BPIFB4: variants seen among roughly 807,000 people sequenced by gnomAD.
BPIFB4 encodes BPI fold-containing family B member 4.
BPIFB4 carries 62 observed loss-of-function variants against 69.2 expected under a neutral mutation model. The observed-to-expected ratio is 0.90, with a 90% CI of 0.73 to 1.11. The LOEUF (loss-of-function observed/expected upper bound fraction) is 1.11. Among genes scored for constraint, BPIFB4 ranks in the 50% least tolerant of loss-of-function variants. BPIFB4 has a pLI of 0.00. For missense variants in BPIFB4, 789 were observed against 792.0 expected, an observed-to-expected ratio of 1.00 and a Z score of 0.04; for synonymous variants, 330 against 332.7, an observed-to-expected ratio of 0.99 and a Z score of 0.09.
Position 33,092,623 on chromosome 20 carries a change from C to G in BPIFB4, c.1309C>G (p.Gln437Glu), listed in dbSNP as rs770283793. ...CTCAGTGCTGACTCTACTGCAGAAG[C>G]AGCATGCTCTAGACCTGGATATCAC... ...LGSVLTLLQK[Q>E]HALDLDITNG... is the part of the protein sequence containing the mutation. The change falls in exon 11 of 18, where the codon CAG becomes GAG. Residue 437 changes from glutamine (Q) to glutamate (E), a missense_variant. Physicochemically the swap from Gln to Glu is conservative, Grantham distance 29. Coordinates refer to ENST00000375483, the MANE Select transcript of BPIFB4 (RefSeq NM_182519.3). 1 of 1,612,912 alleles carries G rather than the reference C, an allele frequency of 6.2e-7. No individual in the cohort carries two copies. The highest frequency in any genetic ancestry group is 1.7e-5 in the Admixed American group (1 of 60,036).
In BPIFB4 at chr20:33,086,239, C is replaced by G. The variant is rs576510614; in HGVS notation, c.926+75C>G. ...GTCTTTGGCAAACAACATGACGTCA[C>G]CCACCTGCCCATAGGCTCTGGGGTG... On this transcript the variant is annotated intron_variant, in intron 7 of 17. Coordinates refer to ENST00000375483, the MANE Select transcript of BPIFB4 (RefSeq NM_182519.3). The G allele has an allele frequency of 3.4e-4, 516 of 1,534,756 alleles. 1 individual carries two copies. The African/African-American group carries it at 6.4e-3, about 19-fold the overall frequency.
chr20:33,107,452 C>CA (rs1381914042), intron 16 of BPIFB4, among the ~76,000 whole-genome samples: 2 of 151,636 alleles, frequency 1.3e-5, no homozygotes, highest in Admixed American at 6.6e-5. Context: ...AACAAACAAA[C>CA]AAAAAACAAA....
At chr20:33,082,849 G>A (rs1983429314) in intron 3 of BPIFB4, 89 bp from the exon 4 acceptor site, 2 of 1,295,294 alleles carry the variant, frequency 1.5e-6, no homozygotes, top group Admixed American at 1.7e-5. Flanking sequence ...TGAGGCCCAG[G>A]GAGCTGAGCA....
At chr20:33,103,631 C>T (rs377136273) in intron 15 of BPIFB4, among the ~76,000 whole-genome samples, 3 of 143,956 alleles carry the variant, frequency 2.1e-5, no homozygotes, top group African/African-American at 5.1e-5. Context: ...CCCACCCCCC[C>T]ACCTCCGCTT....
At chr20:33,107,194 A>C (rs1982084527) in intron 16 of BPIFB4, among the ~76,000 whole-genome samples, 1 of 149,542 alleles carries the variant, frequency 6.7e-6, no homozygotes, top group African/African-American at 2.5e-5. Flanking sequence ...ACAGAGCAAG[A>C]CTCAGTTAAA....
chr20:33,087,744 AC>A (rs1981474341), intron 7 of BPIFB4, among the ~76,000 whole-genome samples: 4 of 148,190 alleles, frequency 2.7e-5, no homozygotes, highest in South Asian at 4.5e-4. Context: ...ACACACACAC[AC>A]ACACACACAA....
chr20:33,108,410 C>CATATATATATGTCTATATAT (rs1568589684), intron 17 of BPIFB4, among the ~76,000 whole-genome samples: 3 of 68,388 alleles, frequency 4.4e-5, no homozygotes. Flanking sequence ...AGTATGCATC[C>CATATATATATGTCTATATAT]ATATATATAT....
rs145452648 is a variant in BPIFB4 at position 33,100,480 on chromosome 20, G to A, written c.1624G>A (p.Ala542Thr). ...AGAAGGAGATAAGCTCATGATTGAT[G>A]CCAAGCTGGAGAAGTAAGGGGCTAT... The part of the protein sequence containing the change: ...STEGDKLMID[A>T]KLEKTSLNLR... Residue 542 changes from alanine (A) to threonine (T), a missense_variant, in exon 14 of 18, where the codon GCC (alanine) becomes ACC (threonine). This residue lies in a region of BPIFB4 where 170 missense variants were observed against 193.6 expected (regional missense o/e 0.88). Coordinates refer to ENST00000375483, the MANE Select transcript of BPIFB4 (RefSeq NM_182519.3). The A allele has an allele frequency of 6.8e-6, 11 of 1,607,822 alleles. No individual in the cohort carries two copies. The East Asian group carries it at 1.8e-4, about 26-fold the overall frequency.
In BPIFB4 at chr20:33,111,547, G is replaced by GTCCC. The variant is rs1169394577; in HGVS notation, c.*116_*119dup. On this transcript the variant is annotated 3_prime_UTR_variant, in exon 18 of 18. Transcript: ENST00000375483. ...AGAGTCCCCTCAGCCTCCATGACAG[G>GTCCC]TCCCTCCCTGGCCCCCCAACCCTCT... The GTCCC allele has an allele frequency of 6.0e-5, 82 of 1,370,232 alleles. No homozygotes were observed. Among genetic ancestry groups the GTCCC allele is most frequent in the Non-Finnish European group, 8.1e-5 (79 of 977,068 alleles). 84.9% of individuals were successfully genotyped at this position (1,370,232 alleles called of 1,614,324 possible). A position where few individuals can be genotyped will look rare whatever the true frequency, so the allele number is the denominator to read the frequency against.
intron 17 of BPIFB4, among the ~76,000 whole-genome samples, chr20:33,110,392 C>T (rs1437116579): frequency 2.0e-5 from 3 of 152,206 alleles, no homozygotes; most frequent in African/African-American, 4.8e-5. Flanking sequence ...CAGGGGATAC[C>T]GATGTCCATG....
At position 33,083,786 on chromosome 20, in the gene BPIFB4, C is replaced by T. The variant is rs1460071022; in HGVS notation, c.589C>T (p.Leu197Phe). The T allele has an allele frequency of 6.2e-7, 1 of 1,613,698 alleles. No homozygotes were observed. The highest frequency in any genetic ancestry group is 8.5e-7 in the Non-Finnish European group (1 of 1,179,744). Residue 197 changes from leucine (L) to phenylalanine (F), a missense_variant, in exon 5 of 18, where the codon CTT becomes TTT. Leu to Phe is a conservative substitution (Grantham distance 22). Around this residue, in one of 3 missense-constraint regions of BPIFB4, gnomAD observed 611 missense variants for 575.4 expected, o/e 1.06. Transcript: ENST00000375483. ...TGGCCTGCTCGGCGGAGGTGGTCTC[C>T]TTGGTGATGGAGGACTTCTTGGAGG... The part of the protein sequence containing the change: ...QGGLLGGGGL[L>F]GDGGLLGGGG...
intron 13 of BPIFB4, among the ~76,000 whole-genome samples, chr20:33,099,111 T>C (rs1981836218): frequency 1.3e-5 from 2 of 151,986 alleles, no homozygotes; most frequent in African/African-American, 4.8e-5. Context: ...TGTTAAGCTG[T>C]GTTAAATGCC....
chr20:33,083,978 C>T (rs1981341122), intron 5 of BPIFB4, 104 bp downstream of exon 5: 11 of 1,345,108 alleles, frequency 8.2e-6, no homozygotes, highest in South Asian at 1.4e-5. Flanking sequence ...TTCAGAGCCC[C>T]ACACACTTCA....
intron 16 of BPIFB4, among the ~76,000 whole-genome samples, chr20:33,106,670 G>A (rs114352358): frequency 0.011 from 1,705 of 152,274 alleles, 30 homozygotes; most frequent in African/African-American, 0.038. Context: ...AACTCACAAT[G>A]TGGTGGGCGT....
rs775417700 is a variant in BPIFB4 at position 33,089,475 on chromosome 20, T to C, written c.991-23T>C. On this transcript the variant is annotated intron_variant, in intron 8 of 17. Coordinates refer to ENST00000375483, the MANE Select transcript of BPIFB4 (RefSeq NM_182519.3). ...CTACTCCCTGCAGCGTCAACAAGGC[T>C]TTGTGCCATTTCTCCCCTGCAGCTC... The C allele has an allele frequency of 3.1e-6, 5 of 1,614,122 alleles. No individual in the cohort carries two copies. In the African/African-American group the frequency reaches 5.3e-5, roughly 17 times the overall value.
At chr20:33,111,119 A>C (rs1237882620) in intron 17 of BPIFB4, among the ~76,000 whole-genome samples, 6 of 152,060 alleles carry the variant, frequency 3.9e-5, no homozygotes, top group Non-Finnish European at 7.4e-5. Context: ...CCTGGCCAAA[A>C]AATTTTTTTT....
At chr20:33,103,040 G>A (rs748807591) in intron 15 of BPIFB4, 26 bp downstream of exon 15, 1 of 1,609,634 alleles carries the variant, frequency 6.2e-7, no homozygotes, top group South Asian at 1.1e-5. Context: ...AGTTCCCAGG[G>A]CAAGATCTTC....
rs1232791030 is a variant in BPIFB4, at chr20:33,083,219, G to A, written c.170-148G>A. ...AGGTGGCAGTGGTGGGGGGTTGCTG[G>A]GTGGCAGTGGTGGGGGGCTGCTGGG... On this transcript the variant is annotated intron_variant, in intron 4 of 17. Transcript: ENST00000375483. 29 of 696,214 alleles carry A rather than the reference G, an allele frequency of 4.2e-5. No homozygotes were observed. In the African/African-American group the frequency reaches 6.2e-4, roughly 15 times the overall value. The allele number at this position is 696,214 out of a possible 1,614,324, so 43.1% of individuals were successfully genotyped here. A position where few individuals can be genotyped will look rare whatever the true frequency, so the allele number is the denominator to read the frequency against.
chr20:33,086,245 T>C, intron 7 of BPIFB4, 81 bp downstream of exon 7: 1 of 1,522,694 alleles, frequency 6.6e-7, no homozygotes. Flanking sequence ...GTCACCCACC[T>C]GCCCATAGGC....
Sources: allele counts gnomAD v4.1 joint callset (sites outside exome capture counted in the v4.1 genomes callset), GRCh38; gene constraint gnomAD v4.1.1; regional missense constraint gnomAD v4.1.1; transcripts MANE v1.5; gene names NCBI Gene and HGNC (gene_info 2026-07-23, HGNC 2026-07-21).